Variants in SLC71A1 observed in about 807,000 individuals in gnomAD.
SLC71A1 encodes the protein hippocampus abundant gene transcript 1.
the SLC71A1 span, among the ~76,000 whole-genome samples, chr1:100,054,537 G>C: frequency 4.7e-4 from 72 of 152,000 alleles, no homozygotes; most frequent in African/African-American, 1.6e-3. Flanking sequence ...CAGACCTATG[G>C]CTCTGGAAAT....
the SLC71A1 span, among the ~76,000 whole-genome samples, chr1:100,049,517 G>C: frequency 6.6e-6 from 1 of 152,106 alleles, no homozygotes; most frequent in Non-Finnish European, 1.5e-5. Context: ...TGCACTGGTT[G>C]TACTGAACTC....
At chr1:100,080,420 C>G in the SLC71A1 span, 1 of 1,152,894 alleles carries the variant, frequency 8.7e-7, no homozygotes, top group Non-Finnish European at 1.3e-6. Context: ...TAAGTGATTT[C>G]ATATTTGTAC....
the SLC71A1 span, chr1:100,050,045 C>CTCTTCTT: frequency 6.7e-6 from 7 of 1,040,716 alleles, no homozygotes; most frequent in African/African-American, 9.6e-5. Flanking sequence ...ACTCCAAAAT[C>CTCTTCTT]TCTTCTTCTT....
the SLC71A1 span, among the ~76,000 whole-genome samples, chr1:100,039,133 A>G: frequency 6.6e-6 from 1 of 152,162 alleles, no homozygotes; most frequent in Non-Finnish European, 1.5e-5. Context: ...AGGATTTTTA[A>G]TTGAAAAACA....
the SLC71A1 span, among the ~76,000 whole-genome samples, chr1:100,073,923 T>C: frequency 1.2e-4 from 18 of 152,362 alleles, no homozygotes; most frequent in South Asian, 2.1e-4. Flanking sequence ...ACTTATATAT[T>C]AAGTATTTTG....
At chr1:100,053,388 GT>G in the SLC71A1 span, among the ~76,000 whole-genome samples, 4,376 of 152,176 alleles carry the variant, frequency 0.029, 84 homozygotes, top group Middle Eastern at 0.044. Flanking sequence ...TGTTTTATGT[GT>G]TTTGAAACTG....
At chr1:100,049,941 T>C in the SLC71A1 span, 69,863 of 1,608,994 alleles carry the variant, frequency 0.043, 1,710 homozygotes, top group South Asian at 0.055. Context: ...GTGTCTATCA[T>C]GCAGTTATCG....
chr1:100,078,028 T>C, the SLC71A1 span, among the ~76,000 whole-genome samples: 22 of 152,346 alleles, frequency 1.4e-4, no homozygotes, highest in African/African-American at 5.3e-4. Flanking sequence ...ACTTGTTCTT[T>C]ACAATTTAAG....
chr1:100,039,406 A>G, the SLC71A1 span, among the ~76,000 whole-genome samples: 1 of 152,214 alleles, frequency 6.6e-6, no homozygotes, highest in African/African-American at 2.4e-5. Flanking sequence ...ACGTGACAAA[A>G]TTTTATGACA....
the SLC71A1 span, among the ~76,000 whole-genome samples, chr1:100,050,475 G>A: frequency 6.6e-6 from 1 of 152,078 alleles, no homozygotes; most frequent in South Asian, 2.1e-4. Context: ...CTTTAGAAAA[G>A]ACCTCCCTGC....
At chr1:100,055,318 T>C in the SLC71A1 span, among the ~76,000 whole-genome samples, 2 of 151,810 alleles carry the variant, frequency 1.3e-5, no homozygotes, top group Non-Finnish European at 2.9e-5. Context: ...TGGGAAAATA[T>C]GGCTAGAGGA....
the SLC71A1 span, among the ~76,000 whole-genome samples, chr1:100,047,934 T>A: frequency 2.0e-5 from 3 of 152,332 alleles, no homozygotes; most frequent in East Asian, 5.8e-4. Context: ...AAATTCAGAA[T>A]AGCATAGTAA....
chr1:100,066,209 C>G, the SLC71A1 span, among the ~76,000 whole-genome samples: 1 of 152,180 alleles, frequency 6.6e-6, no homozygotes, highest in African/African-American at 2.4e-5. Context: ...GATTACCAAG[C>G]TCAGTTTTGT....
chr1:100,058,562 TAAATC>T, the SLC71A1 span: 4 of 687,606 alleles, frequency 5.8e-6, no homozygotes, highest in African/African-American at 5.3e-5. Context: ...ATATGTAAAA[TAAATC>T]AGATTGTAGT....
At chr1:100,053,849 A>C in the SLC71A1 span, among the ~76,000 whole-genome samples, 1 of 152,292 alleles carries the variant, frequency 6.6e-6, no homozygotes, top group South Asian at 2.1e-4. Flanking sequence ...TGTACTGACA[A>C]ATATTTTTAA....
the SLC71A1 span, among the ~76,000 whole-genome samples, chr1:100,047,798 T>C: frequency 0.059 from 8,979 of 152,226 alleles, 345 homozygotes; most frequent in African/African-American, 0.1. Flanking sequence ...GCATCAATGT[T>C]CATCAGAGAT....
At chr1:100,053,035 C>T in the SLC71A1 span, among the ~76,000 whole-genome samples, 11 of 152,216 alleles carry the variant, frequency 7.2e-5, no homozygotes, top group African/African-American at 1.2e-4. Flanking sequence ...CCGCCTGCCT[C>T]GGCCTCCCAG....
At chr1:100,038,798 C>T in the SLC71A1 span, among the ~76,000 whole-genome samples, 25 of 152,230 alleles carry the variant, frequency 1.6e-4, no homozygotes, top group South Asian at 4.1e-4. Context: ...CCGCTGCGGC[C>T]CCGTAGTACG....
At chr1:100,071,313 A>G in the SLC71A1 span, among the ~76,000 whole-genome samples, 25 of 142,958 alleles carry the variant, frequency 1.7e-4, no homozygotes, top group Middle Eastern at 3.5e-3. Flanking sequence ...AAAAAAAAAA[A>G]AAAGAAAGAA....
Sources: gnomAD v4.1 joint callset for allele counts (sites outside exome capture counted in the v4.1 genomes callset) on GRCh38, gnomAD v4.1.1 for gene constraint, MANE v1.5 for transcripts, NCBI Gene and HGNC (gene_info 2026-07-23, HGNC 2026-07-21) for gene names.